Variants in KCNG2 observed in about 807,000 individuals in gnomAD.
The protein encoded by KCNG2 is potassium voltage-gated channel modifier subfamily G member 2.
Under a neutral mutation model 12.3 loss-of-function variants are expected in KCNG2, and 7 were observed. That is an observed-to-expected ratio of 0.57 (90% CI 0.32 to 1.07). The LOEUF is 1.07. Ranked by LOEUF, KCNG2 falls within the 50% of genes least tolerant of loss-of-function variation. KCNG2 has a pLI of 0.04. For missense variants in KCNG2, 703 were observed against 726.0 expected, an observed-to-expected ratio of 0.97 and a Z score of 0.36; for synonymous variants, 414 against 351.4, an observed-to-expected ratio of 1.18 and a Z score of -1.99.
rs959677938 is a variant in KCNG2 at position 79,884,762 on chromosome 18, G to C, written c.625-14278G>C. ...GGGTCCGCCCGGCTCTGTGTTCCTCGGGGGGGCTCATCCTGGGGCCCAGGA... is the reference window on the plus strand; with the variant it reads ...GGGTCCGCCCGGCTCTGTGTTCCTCCGGGGGGCTCATCCTGGGGCCCAGGA... On this transcript the variant is annotated intron_variant, in intron 3 of 3. Transcript: ENST00000316249. This position sits in a 1 kb window ranked among gnomAD's most constrained non-coding sequence, Gnocchi z 5.5. 2.6e-5 allele frequency among the ~76,000 whole-genome samples: 4 copies of C among 152,072 alleles called. No individual in the cohort carries two copies. Among genetic ancestry groups the C allele is most frequent in the African/African-American group, 9.7e-5 (4 of 41,408 alleles).
In KCNG2 at chr18:79,824,843, G is replaced by A. The variant is rs1002543883; in HGVS notation, c.-115+26829G>A. 2.7e-4 allele frequency among the ~76,000 whole-genome samples: 41 copies of A among 151,902 alleles called. 2 individuals are homozygous for A. Among genetic ancestry groups the A allele is most frequent in the Non-Finnish European group, 1.5e-5 (1 of 67,978 alleles). On this transcript the variant is annotated intron_variant, in intron 1 of 3. Transcript: ENST00000316249. ...TTGTCGCAGTATTTTTTTTTCTTAA[G>A]AGGCATTGAATTCTGTTTAATAATA...
intron 1 of KCNG2, among the ~76,000 whole-genome samples, chr18:79,804,185 C>G (rs556595061): frequency 6.6e-6 from 1 of 152,210 alleles, no homozygotes; most frequent in African/African-American, 2.4e-5. Context: ...TCACTGCAGG[C>G]CTATGTGACC....
intron 1 of KCNG2, among the ~76,000 whole-genome samples, chr18:79,828,085 G>A (rs150935960): frequency 3.7e-4 from 57 of 152,038 alleles, no homozygotes; most frequent in African/African-American, 1.2e-3. Context: ...CAACACACCC[G>A]GCTAATTCTT....
chr18:79,885,024 C>G (rs999737551), intron 3 of KCNG2, among the ~76,000 whole-genome samples: 19 of 152,196 alleles, frequency 1.2e-4, no homozygotes, highest in African/African-American at 4.6e-4. Flanking sequence ...CTTGCTCACA[C>G]CCCTCACAGT....
At position 79,798,745 on chromosome 18, in the gene KCNG2, G is replaced by A. The variant is rs1385506118; in HGVS notation, c.-115+731G>A. ...AGCCTTGCCCGCCGAGCGCAGCCCG[G>A]GTCCGGACTGTGGTCACTGGGGACG... On this transcript the variant is annotated intron_variant, in intron 1 of 3. Coordinates refer to ENST00000316249, the MANE Select transcript of KCNG2 (RefSeq NM_012283.2). 3.9e-5 allele frequency among the ~76,000 whole-genome samples: 6 copies of A among 152,350 alleles called. No individual in the cohort carries two copies. In the South Asian group the frequency reaches 1.2e-3, roughly 32 times the overall value.
At chr18:79,849,281 ACT>A (rs1455881667) in intron 1 of KCNG2, among the ~76,000 whole-genome samples, 1 of 152,066 alleles carries the variant, frequency 6.6e-6, no homozygotes, top group African/African-American at 2.4e-5. Context: ...TAATGTTCTC[ACT>A]GAGCTCTGAC....
chr18:79,871,246 T>A (rs1385728958), intron 3 of KCNG2, among the ~76,000 whole-genome samples: 1 of 152,238 alleles, frequency 6.6e-6, no homozygotes, highest in Non-Finnish European at 1.5e-5. Flanking sequence ...ACCTCCCGCC[T>A]CCTGGCAGCG....
chr18:79,899,760 A>T lies in KCNG2; in HGVS notation c.1345A>T (p.Ser449Cys). 6.5e-7 allele frequency: 1 copy of T among 1,539,506 alleles called. No individual in the cohort carries two copies. The highest frequency in any genetic ancestry group is 8.7e-7 in the Non-Finnish European group (1 of 1,150,942). ...ATEDSSQGPD[S>C]AGLADDSADA... ...CGAGGACAGCTCGCAGGGCCCCGAC[A>T]GCGCGGGCCTGGCCGACGACTCCGC... The change falls in exon 4 of 4, where the codon AGC becomes TGC. Residue 449 changes from serine (S) to cysteine (C), a missense_variant. Transcript: ENST00000316249.
At chr18:79,835,059 G>T (rs1425542664) in intron 1 of KCNG2, among the ~76,000 whole-genome samples, 1 of 152,182 alleles carries the variant, frequency 6.6e-6, no homozygotes, top group Non-Finnish European at 1.5e-5. Context: ...CGTGTCTGTA[G>T]AGAGATGTGG....
At chr18:79,804,708 C>T (rs571081528) in intron 1 of KCNG2, among the ~76,000 whole-genome samples, 4 of 152,280 alleles carry the variant, frequency 2.6e-5, no homozygotes, top group East Asian at 1.9e-4. Flanking sequence ...AGTGAGCCCA[C>T]GGGAACAAGT....
At chr18:79,815,697 C>T (rs2087523616) in intron 1 of KCNG2, among the ~76,000 whole-genome samples, 1 of 152,302 alleles carries the variant, frequency 6.6e-6, no homozygotes, top group Admixed American at 6.5e-5. Flanking sequence ...GAGCAGATTT[C>T]CCGTGGGGAG....
chr18:79,852,455 G>A (rs567968053), intron 1 of KCNG2, among the ~76,000 whole-genome samples: 1 of 152,248 alleles, frequency 6.6e-6, no homozygotes, highest in Non-Finnish European at 1.5e-5. Context: ...GTGCATAAGC[G>A]ATTTCGACTT....
At chr18:79,832,883 G>T (rs1186723723) in intron 1 of KCNG2, among the ~76,000 whole-genome samples, 1 of 152,140 alleles carries the variant, frequency 6.6e-6, no homozygotes, top group African/African-American at 2.4e-5. Flanking sequence ...TAAGCCCCTG[G>T]CACCTTAAGG....
chr18:79,842,564 TAAAG>T (rs1457793617), intron 1 of KCNG2, among the ~76,000 whole-genome samples: 7 of 152,088 alleles, frequency 4.6e-5, no homozygotes, highest in South Asian at 2.1e-4. Flanking sequence ...ATAATAATCT[TAAAG>T]AAGCTCAGTG....
At chr18:79,894,996 C>A (rs148423004) in intron 3 of KCNG2, among the ~76,000 whole-genome samples, 3 of 151,576 alleles carry the variant, frequency 2.0e-5, no homozygotes, top group African/African-American at 7.3e-5. Context: ...GTTGTTCACT[C>A]CATTCACATC....
chr18:79,863,887 A>C lies in KCNG2; in HGVS notation c.220A>C (p.Ser74Arg). ...VSRDEFFFDR[S>R]PCAFRAIVAL... ...CCGCGACGAGTTCTTCTTCGACCGC[A>C]GCCCGTGCGCCTTCCGCGCCATCGT... Residue 74 changes from serine (S) to arginine (R), a missense_variant, in exon 3 of 4, where the codon AGC (serine) becomes CGC (arginine). Ser to Arg is a moderately radical substitution (Grantham distance 110, BLOSUM62 -1). Transcript: ENST00000316249. 1 of 1,473,482 alleles carries C rather than the reference A, an allele frequency of 6.8e-7. No individual in the cohort carries two copies. Among genetic ancestry groups the C allele is most frequent in the Non-Finnish European group, 9.0e-7 (1 of 1,110,178 alleles). The allele number at this position is 1,473,482 out of a possible 1,614,324, so 91.3% of individuals were successfully genotyped here. A position where few individuals can be genotyped will look rare whatever the true frequency, so the allele number is the denominator to read the frequency against.
At chr18:79,811,145 G>A (rs1417776333) in intron 1 of KCNG2, among the ~76,000 whole-genome samples, 1 of 152,146 alleles carries the variant, frequency 6.6e-6, no homozygotes, top group Admixed American at 6.6e-5. Context: ...TGTTAAGGTG[G>A]CAATACTCCC....
chr18:79,872,492 C>A (rs1394369607), intron 3 of KCNG2, among the ~76,000 whole-genome samples: 1 of 152,070 alleles, frequency 6.6e-6, no homozygotes, highest in Non-Finnish European at 1.5e-5. Flanking sequence ...ACCATGTTGG[C>A]CAGGCTGGCC....
In KCNG2 at chr18:79,884,706, G is replaced by A. The variant is rs920771294; in HGVS notation, c.625-14334G>A. On this transcript the variant is annotated intron_variant, in intron 3 of 3. Transcript: ENST00000316249. The surrounding 1 kb of genome is among the most constrained non-coding windows in gnomAD (Gnocchi z 5.5). The stretch of plus-strand genomic sequence containing the variant: ...GGACACGCCCAAGGCCCACAGACAC[G>A]TGGCTTCGTGATGGGGAGCCACGGG... Among the ~76,000 whole-genome samples, 1 of 152,204 alleles carries A rather than the reference G, an allele frequency of 6.6e-6. No homozygotes were observed. Among genetic ancestry groups the A allele is most frequent in the African/African-American group, 2.4e-5 (1 of 41,454 alleles).
Sources: allele counts gnomAD v4.1 joint callset (sites outside exome capture counted in the v4.1 genomes callset), GRCh38; gene constraint gnomAD v4.1.1; non-coding constraint Gnocchi (gnomAD v3.1); transcripts MANE v1.5; gene names NCBI Gene and HGNC (gene_info 2026-07-23, HGNC 2026-07-21).